FAT3: variants seen among roughly 807,000 people sequenced by gnomAD.
The protein encoded by FAT3 is FAT atypical cadherin 3, also known as protocadherin Fat 3.
In FAT3, 95 loss-of-function variants were observed where a neutral mutation model predicts 310.2. The observed-to-expected ratio is 0.31, with a 90% CI of 0.26 to 0.36. The LOEUF is 0.36. Ranked by LOEUF, FAT3 falls within the 10% of genes least tolerant of loss-of-function variation. The probability of loss-of-function intolerance (pLI) is 1.00; values close to 1 mark genes in which losing one functional copy is unlikely to be tolerated. For synonymous variants in FAT3, 2,314 were observed against 2,192.9 expected (o/e 1.06, Z -1.54); for missense variants, 5,408 against 5,715.6 (o/e 0.95, Z 1.74).
In FAT3 at chr11:92,524,839, T is replaced by G; in HGVS notation, c.3498T>G (p.Ser1166=). 1 of 1,613,906 alleles carries G rather than the reference T, an allele frequency of 6.2e-7. No individual in the cohort carries two copies. The highest frequency in any genetic ancestry group is 1.1e-5 in the South Asian group (1 of 91,070). The part of the protein sequence containing the change: ...VVMENSPKDV[S]VIQIQAEDPD... ...TGGAAAACTCTCCAAAGGACGTATC[T>G]GTCATTCAGATCCAGGCTGAAGATC... is the stretch of plus-strand genomic sequence containing the variant. Residue 1166 remains serine (S), a synonymous_variant, in exon 3 of 28, where the codon TCT becomes TCG. Transcript: ENST00000525166.
At chr11:92,465,504 G>A (rs771823608) in intron 2 of FAT3, among the ~76,000 whole-genome samples, 43 of 152,130 alleles carry the variant, frequency 2.8e-4, no homozygotes, top group Admixed American at 7.2e-4. Flanking sequence ...ATTCTAACTG[G>A]TGTGAGATGG....
intron 3 of FAT3, among the ~76,000 whole-genome samples, chr11:92,635,108 C>G (rs909583995): frequency 1.3e-5 from 2 of 152,144 alleles, no homozygotes; most frequent in Admixed American, 6.5e-5. Flanking sequence ...AGTCTGTGGT[C>G]TTTGGTGATG....
At chr11:92,512,633 A>C (rs1000945681) in intron 2 of FAT3, among the ~76,000 whole-genome samples, 2 of 146,876 alleles carry the variant, frequency 1.4e-5, no homozygotes, top group African/African-American at 5.0e-5. Flanking sequence ...ATATATTTAA[A>C]ATATATATAT....
intron 1 of FAT3, among the ~76,000 whole-genome samples, chr11:92,334,858 T>C (rs1211125597): frequency 6.6e-6 from 1 of 152,174 alleles, no homozygotes; most frequent in Non-Finnish European, 1.5e-5. Context: ...CAGATAAGAA[T>C]TGGCCCCAAT....
intron 3 of FAT3, among the ~76,000 whole-genome samples, chr11:92,553,540 C>T (rs1430662767): frequency 6.6e-6 from 1 of 152,194 alleles, no homozygotes; most frequent in East Asian, 1.9e-4. Flanking sequence ...GCTGGTAGTA[C>T]ACATTAAAAC....
At chr11:92,837,624 G>A (rs111868413) in intron 16 of FAT3, 39 bp from the exon 17 acceptor site, 22,625 of 1,610,196 alleles carry the variant, frequency 0.014, 281 homozygotes, top group African/African-American at 0.065. Flanking sequence ...GGAAGGAAGC[G>A]CTACACCTCT....
chr11:92,560,354 A>T (rs949613166), intron 3 of FAT3, among the ~76,000 whole-genome samples: 1 of 152,124 alleles, frequency 6.6e-6, no homozygotes, highest in Non-Finnish European at 1.5e-5. Flanking sequence ...CCCGTGTCAG[A>T]TATATGATTT....
chr11:92,507,531 A>G (rs1420143564), intron 2 of FAT3, among the ~76,000 whole-genome samples: 3 of 151,996 alleles, frequency 2.0e-5, no homozygotes, highest in Admixed American at 6.6e-5. Context: ...ATGTATATAT[A>G]CACACATACA....
At chr11:92,347,504 T>C (rs1474887405) in intron 1 of FAT3, among the ~76,000 whole-genome samples, 1 of 152,190 alleles carries the variant, frequency 6.6e-6, no homozygotes, top group Admixed American at 6.5e-5. Context: ...AGATTAATGT[T>C]GGCAGAAAAC....
chr11:92,686,831 A>G (rs544169035), intron 3 of FAT3, among the ~76,000 whole-genome samples: 1 of 152,210 alleles, frequency 6.6e-6, no homozygotes, highest in African/African-American at 2.4e-5. Context: ...TCTCTGAGTA[A>G]TTTGCACTTT....
At chr11:92,772,574 A>G (rs571555223) in intron 6 of FAT3, among the ~76,000 whole-genome samples, 3 of 152,078 alleles carry the variant, frequency 2.0e-5, no homozygotes, top group African/African-American at 7.2e-5. Context: ...CTCCTCATCA[A>G]ATCAATTAAA....
At chr11:92,634,400 T>G (rs1304736860) in intron 3 of FAT3, among the ~76,000 whole-genome samples, 11 of 152,182 alleles carry the variant, frequency 7.2e-5, no homozygotes. Flanking sequence ...TTCTCCTGAC[T>G]AGAATAAGGA....
rs80293525 is a variant in FAT3, at chr11:92,354,793, G to A, written c.2681G>A (p.Arg894Gln). Residue 894 changes from arginine (R) to glutamine (Q), a missense_variant, in exon 2 of 28, where the codon CGG (arginine) becomes CAG (glutamine). Physicochemically the swap from Arg to Gln is conservative, Grantham distance 43. Coordinates refer to ENST00000525166, the MANE Select transcript of FAT3 (RefSeq NM_001367949.2). ...GTTTATGTAGCCGACCAGTTGGACC[G>A]GGAATCCAAAGCCAATTATTCTTTG... ...GIVYVADQLD[R>Q]ESKANYSLKI... 6.4e-3 allele frequency: 10,377 copies of A among 1,613,876 alleles called. 74 individuals are homozygous for A. Among genetic ancestry groups the A allele is most frequent in the East Asian group, 0.026 (1,161 of 44,874 alleles).
intron 7 of FAT3, among the ~76,000 whole-genome samples, chr11:92,778,455 C>T (rs2136126296): frequency 6.6e-6 from 1 of 152,278 alleles, no homozygotes; most frequent in South Asian, 2.1e-4. Flanking sequence ...CCTTCTTATC[C>T]AGACCCCTGC....
chr11:92,255,186 A>T (rs1299176842), intron 1 of FAT3, among the ~76,000 whole-genome samples: 1 of 152,020 alleles, frequency 6.6e-6, no homozygotes, highest in Non-Finnish European at 1.5e-5. Flanking sequence ...GACCCTTCAG[A>T]CCCAAGTGGC....
At chr11:92,690,530 CT>C (rs1446921722) in intron 3 of FAT3, among the ~76,000 whole-genome samples, 1 of 152,062 alleles carries the variant, frequency 6.6e-6, no homozygotes. Flanking sequence ...TTCCAGAATC[CT>C]TTTTTTAACC....
At chr11:92,265,529 G>A (rs1945917254) in intron 1 of FAT3, among the ~76,000 whole-genome samples, 1 of 151,944 alleles carries the variant, frequency 6.6e-6, no homozygotes, top group Non-Finnish European at 1.5e-5. Context: ...TTCTGGTGTG[G>A]GGTTGGGAGA....
intron 3 of FAT3, among the ~76,000 whole-genome samples, chr11:92,681,742 T>C (rs1472275692): frequency 6.6e-6 from 1 of 152,130 alleles, no homozygotes; most frequent in Non-Finnish European, 1.5e-5. Context: ...GGACACCACA[T>C]GACATTTAAT....
At chr11:92,474,621 C>T (rs1952001244) in intron 2 of FAT3, among the ~76,000 whole-genome samples, 1 of 152,096 alleles carries the variant, frequency 6.6e-6, no homozygotes, top group South Asian at 2.1e-4. Flanking sequence ...TCAATGAGAA[C>T]AGGAGACTCC....
Sources: allele counts gnomAD v4.1 joint callset (sites outside exome capture counted in the v4.1 genomes callset), GRCh38; gene constraint gnomAD v4.1.1; transcripts MANE v1.5; gene names NCBI Gene and HGNC (gene_info 2026-07-23, HGNC 2026-07-21).